Variants in AGBL4 observed in about 807,000 individuals in gnomAD.
AGBL4 encodes AGBL carboxypeptidase 4.
A neutral mutation model predicts 66.4 loss-of-function variants in AGBL4; 58 were observed. The observed-to-expected ratio is 0.87, with a 90% CI of 0.71 to 1.09. The LOEUF is 1.09. Ranked by LOEUF, AGBL4 falls within the 50% of genes least tolerant of loss-of-function variation. The pLI is 0.00. For synonymous variants in AGBL4, 234 were observed against 222.9 expected (o/e 1.05, Z -0.44); for missense variants, 579 against 631.0 (o/e 0.92, Z 0.88).
chr1:49,776,176 G>A (rs1644192397), intron 2 of AGBL4, among the ~76,000 whole-genome samples: 1 of 152,090 alleles, frequency 6.6e-6, no homozygotes, highest in African/African-American at 2.4e-5. Context: ...TATGCCTAGG[G>A]AGAATCAGCA....
chr1:49,019,381 G>A (rs774252980), intron 5 of AGBL4, among the ~76,000 whole-genome samples: 2 of 152,176 alleles, frequency 1.3e-5, no homozygotes, highest in Non-Finnish European at 2.9e-5. Context: ...TTTCTCTTCT[G>A]AAACCAGCCT....
At chr1:49,072,978 C>T (rs1264521723) in intron 4 of AGBL4, among the ~76,000 whole-genome samples, 2 of 152,122 alleles carry the variant, frequency 1.3e-5, no homozygotes, top group Admixed American at 1.3e-4. Context: ...TGTCTTCTCA[C>T]TTTATTTCAT....
At chr1:48,613,082 C>A (rs995915190) in intron 9 of AGBL4, among the ~76,000 whole-genome samples, 3 of 151,742 alleles carry the variant, frequency 2.0e-5, no homozygotes, top group Non-Finnish European at 4.4e-5. Context: ...TGCAGTGAAC[C>A]GAGATTGCAC....
intron 4 of AGBL4, among the ~76,000 whole-genome samples, chr1:49,189,579 A>T (rs1343164551): frequency 3.9e-5 from 6 of 152,180 alleles, no homozygotes; most frequent in Non-Finnish European, 8.8e-5. Flanking sequence ...TCAGAGATTA[A>T]ATGTCCTCTT....
chr1:49,647,141 A>G (rs1645905916), intron 3 of AGBL4, among the ~76,000 whole-genome samples: 1 of 152,038 alleles, frequency 6.6e-6, no homozygotes, highest in Admixed American at 6.6e-5. Context: ...TATGGTAACA[A>G]AAATCATCAT....
chr1:49,470,046 T>C (rs1646710818), intron 3 of AGBL4: 2 of 152,066 alleles, frequency 1.3e-5, no homozygotes, highest in Admixed American at 6.6e-5. Context: ...CACAGAATTA[T>C]TTTAAAAATT....
rs780487907 is a variant in AGBL4, at chr1:49,953,580, G to T, written c.34+70183C>A. Among the ~76,000 whole-genome samples, 4 of 151,610 alleles carry T rather than the reference G, an allele frequency of 2.6e-5. No homozygotes were observed. In the South Asian group the frequency reaches 6.2e-4, roughly 24 times the overall value. On this transcript the variant is annotated intron_variant, in intron 1 of 13. Coordinates refer to ENST00000371839, the MANE Select transcript of AGBL4 (RefSeq NM_032785.4). ...TTGAGCACGCTTAATCCAAAAATCC[G>T]AAATCCTCCAAAACTGAAACTCTAT...
chr1:48,673,642 GGGCTGAGAAAACAAACCAATTGTTCT>G (rs1646312633), intron 6 of AGBL4, among the ~76,000 whole-genome samples: 2 of 138,192 alleles, frequency 1.4e-5, no homozygotes, highest in Non-Finnish European at 2.9e-5. Context: ...GAATTGTTCT[GGGCTGAGAAAACAAACCAATTGTTCT>G]GGGCTGAGAA....
intron 11 of AGBL4, among the ~76,000 whole-genome samples, chr1:48,541,445 CAATAAGTATGA>C (rs1644067552): frequency 2.0e-5 from 3 of 152,196 alleles, no homozygotes; most frequent in Admixed American, 1.3e-4. Flanking sequence ...ACTCATCTGA[CAATAAGTATGA>C]AATATATATT....
At chr1:49,252,615 C>T (rs999316764) in intron 3 of AGBL4, among the ~76,000 whole-genome samples, 1 of 152,080 alleles carries the variant, frequency 6.6e-6, no homozygotes, top group Admixed American at 6.5e-5. Flanking sequence ...TCATCAGATC[C>T]TCCAAGGTTA....
At chr1:49,989,683 C>T (rs1161162049) in intron 1 of AGBL4, among the ~76,000 whole-genome samples, 4 of 152,106 alleles carry the variant, frequency 2.6e-5, no homozygotes, top group African/African-American at 9.7e-5. Flanking sequence ...TGTTGTTTGA[C>T]TGATTTAAAA....
chr1:49,780,228 A>C (rs147380444), intron 2 of AGBL4, among the ~76,000 whole-genome samples: 7 of 152,296 alleles, frequency 4.6e-5, no homozygotes, highest in Admixed American at 4.6e-4. Context: ...TAGTATATCT[A>C]TACTCATTTC....
intron 3 of AGBL4, among the ~76,000 whole-genome samples, chr1:49,383,779 A>G (rs1644673217): frequency 6.6e-6 from 1 of 151,372 alleles, no homozygotes; most frequent in African/African-American, 2.5e-5. Context: ...GAAAAAATAA[A>G]CAAATGAGAC....
rs535738128 is a variant in AGBL4, at chr1:48,821,493, C to A, written c.634+45698G>T. On this transcript the variant is annotated intron_variant, in intron 6 of 13. Transcript: ENST00000371839. ...ATTCCTAAGTGAAATAACTCAGAAACAGAAAGTCAAGTACCACATGTTTTC... is the reference window on the plus strand; with the variant it reads ...ATTCCTAAGTGAAATAACTCAGAAAAAGAAAGTCAAGTACCACATGTTTTC... Among the ~76,000 whole-genome samples the A allele has an allele frequency of 1.2e-4, 18 of 152,194 alleles. No individual in the cohort carries two copies. In the South Asian group the frequency reaches 2.3e-3, roughly 19 times the overall value.
rs765621847 is a variant in AGBL4, at chr1:48,587,007, C to T, written c.1264G>A (p.Ala422Thr). 4 of 1,610,316 alleles carry T rather than the reference C, an allele frequency of 2.5e-6. No homozygotes were observed. The South Asian group carries it at 3.3e-5, about 13-fold the overall frequency. The change falls in exon 11 of 14, where the codon GCC becomes ACC. Residue 422 changes from alanine to threonine, a missense_variant. Coordinates refer to ENST00000371839, the MANE Select transcript of AGBL4 (RefSeq NM_032785.4). ...GCTGGGTGGGGACTAAGGATACAGG[C>T]TTCTTCAGTGTAGGGCACAGCAGCC... is the stretch of plus-strand genomic sequence containing the variant. ...TTAAVPYTEE[A>T]YMKLGRNVAR...
chr1:48,549,726 G>C (rs1010319679), intron 11 of AGBL4, among the ~76,000 whole-genome samples: 15 of 151,982 alleles, frequency 9.9e-5, no homozygotes, highest in Non-Finnish European at 2.1e-4. Context: ...GGAGCAGAGA[G>C]AGAAAAACAG....
At chr1:49,203,287 T>A (rs1647868103) in intron 4 of AGBL4, among the ~76,000 whole-genome samples, 1 of 152,160 alleles carries the variant, frequency 6.6e-6, no homozygotes, top group Non-Finnish European at 1.5e-5. Context: ...CCCGAAATAA[T>A]TGAGAATAGG....
chr1:48,943,230 C>CCAGT (rs1656164738), intron 5 of AGBL4, among the ~76,000 whole-genome samples: 1 of 152,120 alleles, frequency 6.6e-6, no homozygotes, highest in Admixed American at 6.5e-5. Flanking sequence ...GCGCCTAAAT[C>CCAGT]CAGTGTGTGG....
chr1:49,553,761 AT>A (rs1653164604), intron 3 of AGBL4, among the ~76,000 whole-genome samples: 1 of 152,216 alleles, frequency 6.6e-6, no homozygotes, highest in Non-Finnish European at 1.5e-5. Flanking sequence ...TATTGTATGT[AT>A]AATTATTTTT....
Sources: allele counts gnomAD v4.1 joint callset (sites outside exome capture counted in the v4.1 genomes callset), GRCh38; gene constraint gnomAD v4.1.1; transcripts MANE v1.5; gene names NCBI Gene and HGNC (gene_info 2026-07-23, HGNC 2026-07-21).